Variants in CCDC178 observed in about 807,000 individuals in gnomAD.
The protein encoded by CCDC178 is coiled-coil domain containing 178, also known as coiled-coil domain-containing protein 178.
A neutral mutation model predicts 117.4 loss-of-function variants in CCDC178; 126 were observed. The observed-to-expected ratio is 1.07, with a 90% CI of 0.93 to 1.24. CCDC178 has a LOEUF of 1.24. Ranked by LOEUF, CCDC178 falls within the 50% of genes most tolerant of loss-of-function variation. The pLI, the probability that CCDC178 is intolerant of heterozygous loss-of-function variation, is 0.00. For missense variants in CCDC178, 1,030 were observed against 986.9 expected, an observed-to-expected ratio of 1.04 and a Z score of -0.59; for synonymous variants, 283 against 313.4, an observed-to-expected ratio of 0.90 and a Z score of 1.02.
chr18:32,943,785 C>T (rs1416796777), intron 22 of CCDC178, among the ~76,000 whole-genome samples: 1 of 152,214 alleles, frequency 6.6e-6, no homozygotes, highest in East Asian at 1.9e-4. Context: ...CATTTTAAAA[C>T]TCAGCACTTC....
intron 15 of CCDC178, among the ~76,000 whole-genome samples, chr18:33,239,302 C>T (rs1358383593): frequency 4.0e-5 from 6 of 151,820 alleles, no homozygotes; most frequent in Admixed American, 2.6e-4. Context: ...ATAGGACATA[C>T]AAAACAACCA....
intron 15 of CCDC178, 95 bp from the exon 16 acceptor site, chr18:33,226,950 GT>G (rs1215787906): frequency 2.0e-6 from 1 of 498,954 alleles, no homozygotes; most frequent in Non-Finnish European, 3.5e-6. Context: ...CATTTTTAAT[GT>G]TTCAATATAG....
intron 14 of CCDC178, among the ~76,000 whole-genome samples, chr18:33,256,424 T>G (rs902934411): frequency 6.6e-6 from 1 of 152,052 alleles, no homozygotes; most frequent in Admixed American, 6.6e-5. Flanking sequence ...GTATTATTTA[T>G]CCCTTGGTAT....
At chr18:33,196,923 T>G (rs1364076851) in intron 20 of CCDC178, among the ~76,000 whole-genome samples, 1 of 152,194 alleles carries the variant, frequency 6.6e-6, no homozygotes, top group Non-Finnish European at 1.5e-5. Context: ...GGACTTGATA[T>G]ATTGCTTGCA....
chr18:33,109,088 A>G (rs1238552684), intron 20 of CCDC178, among the ~76,000 whole-genome samples: 1 of 151,650 alleles, frequency 6.6e-6, no homozygotes, highest in African/African-American at 2.4e-5. Flanking sequence ...TCCACATTCA[A>G]TGCAGTGACC....
At chr18:33,371,640 A>G (rs1436349779) in intron 5 of CCDC178, among the ~76,000 whole-genome samples, 1 of 152,014 alleles carries the variant, frequency 6.6e-6, no homozygotes, top group Non-Finnish European at 1.5e-5. Context: ...GCTTGTTTTT[A>G]CATTTTGAAT....
intron 15 of CCDC178, among the ~76,000 whole-genome samples, chr18:33,241,876 T>C (rs1460218061): frequency 1.3e-5 from 2 of 151,770 alleles, no homozygotes; most frequent in Admixed American, 6.6e-5. Context: ...GCAATTCCTA[T>C]AAAAATACCA....
chr18:33,079,228 A>C (rs963881347), intron 21 of CCDC178, among the ~76,000 whole-genome samples: 1 of 152,212 alleles, frequency 6.6e-6, no homozygotes. Context: ...AGAAATATGC[A>C]GAAGTTTGAA....
At chr18:33,224,982 C>A in intron 16 of CCDC178, 46 bp from the exon 17 acceptor site, 1 of 1,370,418 alleles carries the variant, frequency 7.3e-7, no homozygotes, top group Non-Finnish European at 9.6e-7. Context: ...TTAACTTAAA[C>A]ATTTATTGAG....
chr18:33,122,197 T>C (rs909221512), intron 20 of CCDC178, among the ~76,000 whole-genome samples: 1 of 152,164 alleles, frequency 6.6e-6, no homozygotes, highest in African/African-American at 2.4e-5. Flanking sequence ...ATTTGCTAAA[T>C]GGCTAAGAAT....
chr18:33,418,900 G>A (rs1472736021), intron 2 of CCDC178, among the ~76,000 whole-genome samples: 1 of 152,074 alleles, frequency 6.6e-6, no homozygotes, highest in East Asian at 1.9e-4. Context: ...TGTTAAAATG[G>A]CCACATTTCC....
intron 21 of CCDC178, among the ~76,000 whole-genome samples, chr18:33,085,880 T>C (rs1457563166): frequency 6.6e-6 from 1 of 152,028 alleles, no homozygotes; most frequent in Admixed American, 6.6e-5. Flanking sequence ...TCCATATTAA[T>C]ATTTATTTTA....
At chr18:33,288,362 C>A in intron 12 of CCDC178, among the ~76,000 whole-genome samples, 1 of 108,262 alleles carries the variant, frequency 9.2e-6, no homozygotes, top group East Asian at 3.2e-4. Flanking sequence ...CCCCTCCTCT[C>A]CCTTCTGCTC....
At chr18:33,120,370 CAATTATACAAGGTGGGT>C (rs1328957432) in intron 20 of CCDC178, among the ~76,000 whole-genome samples, 2 of 151,948 alleles carry the variant, frequency 1.3e-5, no homozygotes, top group Admixed American at 1.3e-4. Context: ...AATTGGCTTG[CAATTATACAAGGTGGGT>C]AATGAGAGGT....
At chr18:33,393,947 T>G (rs746733350) in intron 4 of CCDC178, among the ~76,000 whole-genome samples, 1 of 152,038 alleles carries the variant, frequency 6.6e-6, no homozygotes, top group Non-Finnish European at 1.5e-5. Flanking sequence ...AGAGATTCCT[T>G]ACCAACTTTA....
chr18:33,000,228 C>G (rs2055602963), intron 21 of CCDC178, among the ~76,000 whole-genome samples: 1 of 151,348 alleles, frequency 6.6e-6, no homozygotes, highest in Non-Finnish European at 1.5e-5. Flanking sequence ...AGTCTCTTAG[C>G]AGAAGGATCA....
intron 2 of CCDC178, among the ~76,000 whole-genome samples, chr18:33,421,973 A>T (rs778851617): frequency 2.1e-4 from 32 of 152,170 alleles, no homozygotes; most frequent in Non-Finnish European, 3.5e-4. Context: ...AAGAAATCAG[A>T]CTTAGATTTG....
At chr18:33,071,643 T>C (rs1420610712) in intron 21 of CCDC178, among the ~76,000 whole-genome samples, 1 of 152,168 alleles carries the variant, frequency 6.6e-6, no homozygotes, top group African/African-American at 2.4e-5. Flanking sequence ...ATCTGCTCTT[T>C]GTCATATTCT....
intron 20 of CCDC178, among the ~76,000 whole-genome samples, chr18:33,157,305 T>C (rs566920673): frequency 5.6e-4 from 85 of 152,286 alleles, no homozygotes; most frequent in African/African-American, 2.0e-3. Context: ...GTTTCCTAGA[T>C]ACAAGCAATT....
Sources: gnomAD v4.1 joint callset for allele counts (sites outside exome capture counted in the v4.1 genomes callset) on GRCh38, gnomAD v4.1.1 for gene constraint, MANE v1.5 for transcripts, NCBI Gene and HGNC (gene_info 2026-07-23, HGNC 2026-07-21) for gene names.